ANKS1B: variants seen among roughly 807,000 people sequenced by gnomAD.
ANKS1B encodes ankyrin repeat and sterile alpha motif domain containing 1B, also known as ankyrin repeat and sterile alpha motif domain-containing protein 1B.
In ANKS1B, 36 loss-of-function variants were observed where a neutral mutation model predicts 148.3. The observed-to-expected ratio is 0.24, with a 90% CI of 0.19 to 0.32. The LOEUF is 0.32. ANKS1B is among the 10% of genes least tolerant of loss of function. The probability of loss-of-function intolerance (pLI) is 1.00; values close to 1 mark genes in which losing one functional copy is unlikely to be tolerated. For synonymous variants in ANKS1B, 542 were observed against 560.8 expected, an observed-to-expected ratio of 0.97 and a Z score of 0.47; for missense variants, 1,157 against 1,542.6, an observed-to-expected ratio of 0.75 and a Z score of 4.19.
intron 12 of ANKS1B, among the ~76,000 whole-genome samples, chr12:99,294,365 C>T (rs1223600664): frequency 6.6e-6 from 1 of 152,146 alleles, no homozygotes; most frequent in African/African-American, 2.4e-5. Flanking sequence ...GTGATCCTGT[C>T]ATTTGCAACA....
At chr12:98,849,785 A>AT (rs1048563672) in intron 17 of ANKS1B, among the ~76,000 whole-genome samples, 40 of 152,330 alleles carry the variant, frequency 2.6e-4, no homozygotes, top group African/African-American at 9.1e-4. Context: ...ATTTATGAGG[A>AT]TTTTTGCAGG....
At chr12:99,902,730 T>C (rs1003106832) in intron 1 of ANKS1B, among the ~76,000 whole-genome samples, 24 of 151,398 alleles carry the variant, frequency 1.6e-4, no homozygotes, top group African/African-American at 5.3e-4. Context: ...GCCTATCAGA[T>C]CCTCAAAATA....
chr12:99,381,873 C>T (rs1455280444), intron 12 of ANKS1B, among the ~76,000 whole-genome samples: 1 of 152,150 alleles, frequency 6.6e-6, no homozygotes, highest in African/African-American at 2.4e-5. Context: ...GATGTTTAGA[C>T]AATGATGATA....
chr12:98,743,906 G>T (rs1034772747), downstream of ANKS1B: 2 of 766,284 alleles, frequency 2.6e-6, no homozygotes, highest in Non-Finnish European at 3.2e-6. Flanking sequence ...TGCTGAGAAG[G>T]CTGGGCCTTT....
At chr12:99,493,151 G>C (rs1241878104) in intron 10 of ANKS1B, among the ~76,000 whole-genome samples, 1 of 152,130 alleles carries the variant, frequency 6.6e-6, no homozygotes, top group East Asian at 1.9e-4. Flanking sequence ...AATAACTCTT[G>C]TCAGGGTTTC....
chr12:98,888,478 G>C (rs2099745172), intron 17 of ANKS1B, among the ~76,000 whole-genome samples: 1 of 152,100 alleles, frequency 6.6e-6, no homozygotes, highest in Non-Finnish European at 1.5e-5. Flanking sequence ...AATGTAAAAG[G>C]ATCACACCTC....
chr12:99,640,190 A>C (rs1384578492), intron 9 of ANKS1B, among the ~76,000 whole-genome samples: 3 of 152,134 alleles, frequency 2.0e-5, no homozygotes. Context: ...TAAATAACTT[A>C]ATTAATTAAA....
intron 15 of ANKS1B, among the ~76,000 whole-genome samples, chr12:99,092,055 G>A (rs1039478403): frequency 6.6e-6 from 1 of 152,156 alleles, no homozygotes; most frequent in African/African-American, 2.4e-5. Context: ...AGAACTTGGA[G>A]AGCTGTCTGG....
At chr12:99,752,891 AG>A (rs998152630) in intron 8 of ANKS1B, among the ~76,000 whole-genome samples, 1 of 152,026 alleles carries the variant, frequency 6.6e-6, no homozygotes, top group Non-Finnish European at 1.5e-5. Flanking sequence ...ATAATGTAAG[AG>A]GTAAAATATG....
At chr12:99,737,136 A>G (rs931190431) in intron 8 of ANKS1B, among the ~76,000 whole-genome samples, 1 of 152,154 alleles carries the variant, frequency 6.6e-6, no homozygotes, top group African/African-American at 2.4e-5. Flanking sequence ...GATTTTTCAA[A>G]AAACTAAAAA....
intron 11 of ANKS1B, among the ~76,000 whole-genome samples, chr12:99,417,009 C>G (rs1174998952): frequency 2.0e-5 from 3 of 152,180 alleles, no homozygotes; most frequent in Non-Finnish European, 4.4e-5. Context: ...GGGACTATCA[C>G]TTCTTAAACA....
chr12:99,393,242 A>T (rs2094138104), intron 12 of ANKS1B, among the ~76,000 whole-genome samples: 5 of 152,222 alleles, frequency 3.3e-5, no homozygotes, highest in Admixed American at 2.0e-4. Flanking sequence ...CATTAAGGGG[A>T]CCCAAGAGAT....
intron 10 of ANKS1B, among the ~76,000 whole-genome samples, chr12:99,501,444 TTTTTTGGACCACCAAGGTGATATGAA>T (rs1374766664): frequency 3.9e-5 from 6 of 152,132 alleles, no homozygotes; most frequent in Non-Finnish European, 8.8e-5. Flanking sequence ...TGAACTGACA[TTTTTTGGACCACCAAGGTGATATGAA>T]TTTTGTGTGG....
intron 8 of ANKS1B, among the ~76,000 whole-genome samples, chr12:99,749,056 G>A (rs1222065130): frequency 6.6e-6 from 1 of 152,056 alleles, no homozygotes; most frequent in Non-Finnish European, 1.5e-5. Flanking sequence ...TACTGACCCT[G>A]TGGGACACAA....
intron 17 of ANKS1B, among the ~76,000 whole-genome samples, chr12:98,971,768 A>G (rs1459620552): frequency 6.6e-6 from 1 of 152,230 alleles, no homozygotes; most frequent in Non-Finnish European, 1.5e-5. Context: ...AAGGCTGAAG[A>G]ACAAGCCATC....
intron 17 of ANKS1B, chr12:98,894,884 G>A: frequency 1.0e-6 from 1 of 975,806 alleles, no homozygotes; most frequent in Non-Finnish European, 1.2e-6. Context: ...GGGCCCGCGC[G>A]CGCGCCCCCC....
At chr12:98,928,943 T>A (rs934295888) in intron 17 of ANKS1B, among the ~76,000 whole-genome samples, 1 of 151,900 alleles carries the variant, frequency 6.6e-6, no homozygotes, top group Non-Finnish European at 1.5e-5. Context: ...GCCAGGCTAA[T>A]TAGGCAAGAA....
At chr12:99,729,275 T>C (rs1031933184) in intron 8 of ANKS1B, among the ~76,000 whole-genome samples, 13 of 152,218 alleles carry the variant, frequency 8.5e-5, no homozygotes, top group African/African-American at 3.1e-4. Context: ...ATTGTCTTTC[T>C]GGGTCACAAA....
intron 9 of ANKS1B, among the ~76,000 whole-genome samples, chr12:99,629,639 T>C (rs1159497815): frequency 6.6e-6 from 1 of 152,196 alleles, no homozygotes; most frequent in African/African-American, 2.4e-5. Context: ...ACACAGCTTA[T>C]ATTTGTTAAA....
Sources: allele counts gnomAD v4.1 joint callset (sites outside exome capture counted in the v4.1 genomes callset), GRCh38; gene constraint gnomAD v4.1.1; transcripts MANE v1.5; gene names NCBI Gene and HGNC (gene_info 2026-07-23, HGNC 2026-07-21).